PDE10A: variants seen among roughly 807,000 people sequenced by gnomAD.
The protein encoded by PDE10A is phosphodiesterase 10A, also known as cAMP and cAMP-inhibited cGMP 3',5'-cyclic phosphodiesterase 10A.
A neutral mutation model predicts 97.7 loss-of-function variants in PDE10A; 39 were observed. The ratio of observed to expected loss-of-function variants is 0.40; its 90% CI spans 0.31 to 0.52. The LOEUF (loss-of-function observed/expected upper bound fraction) is 0.52. PDE10A is among the 20% of genes least tolerant of loss of function. The probability of loss-of-function intolerance (pLI) is 0.56; values close to 1 mark genes in which losing one functional copy is unlikely to be tolerated. For synonymous variants in PDE10A, 371 were observed against 376.8 expected, an observed-to-expected ratio of 0.98 and a Z score of 0.18; for missense variants, 731 against 1,047.8, an observed-to-expected ratio of 0.70 and a Z score of 4.17.
At chr6:165,758,521 A>G (rs1461843845) in intron 1 of PDE10A, among the ~76,000 whole-genome samples, 3 of 150,648 alleles carry the variant, frequency 2.0e-5, no homozygotes, top group South Asian at 4.2e-4. Context: ...AAGAAGAAGA[A>G]GAAGAAGAAG....
intron 1 of PDE10A, among the ~76,000 whole-genome samples, chr6:165,740,598 G>T (rs939267508): frequency 2.0e-5 from 3 of 152,114 alleles, no homozygotes; most frequent in Admixed American, 1.3e-4. Context: ...CTCCCAAAGT[G>T]CTGGGATTAC....
chr6:165,822,079 T>C (rs890412688), intron 1 of PDE10A, among the ~76,000 whole-genome samples: 9 of 152,212 alleles, frequency 5.9e-5, no homozygotes, highest in Non-Finnish European at 8.8e-5. Flanking sequence ...CCTGTTAATC[T>C]CACACCTACA....
intron 1 of PDE10A, among the ~76,000 whole-genome samples, chr6:165,866,004 A>C (rs2128477517): frequency 6.6e-6 from 1 of 152,314 alleles, no homozygotes; most frequent in Non-Finnish European, 1.5e-5. Context: ...TTAGAGTTTA[A>C]AAGAGGAAGA....
intron 1 of PDE10A, among the ~76,000 whole-genome samples, chr6:165,651,913 T>C (rs1789705861): frequency 6.6e-6 from 1 of 152,184 alleles, no homozygotes; most frequent in Non-Finnish European, 1.5e-5. Context: ...TCTTTGCTTC[T>C]CCTAAATGAA....
intron 1 of PDE10A, among the ~76,000 whole-genome samples, chr6:165,697,600 C>A (rs1332030690): frequency 6.6e-6 from 1 of 152,124 alleles, no homozygotes; most frequent in Admixed American, 6.5e-5. Context: ...TTAAATGAAA[C>A]AAGCCAGTTA....
In PDE10A at chr6:165,720,194, G is replaced by A. The variant is rs28574594; in HGVS notation, c.-614-176626C>T. Among the ~76,000 whole-genome samples, 455 of 152,254 alleles carry A rather than the reference G, an allele frequency of 3.0e-3. 11 individuals are homozygous for A. In the East Asian group the frequency reaches 0.064, roughly 21 times the overall value. ...GGAAATCAGAGGGATGGGGAGAGGG[G>A]GAGAGAGGGTGTTCCTGTATTTTGT... On this transcript the variant is annotated intron_variant, in intron 1 of 19. Coordinates refer to the PDE10A transcript ENST00000366882.
chr6:165,903,753 A>G lies in PDE10A; in HGVS notation c.-615+83776T>C, dbSNP rs370834822. Among the ~76,000 whole-genome samples the G allele has an allele frequency of 2.0e-4, 30 of 152,176 alleles. 1 individual carries two copies. The East Asian group carries it at 2.3e-3, about 12-fold the overall frequency. On this transcript the variant is annotated intron_variant, in intron 1 of 19. Coordinates refer to the PDE10A transcript ENST00000366882. ...GGAGAAAGTGTAGATACAAAAAAAAAGCTGAGTACTCCAACATTTAGCAAC... is the reference window on the plus strand; with the variant it reads ...GGAGAAAGTGTAGATACAAAAAAAAGGCTGAGTACTCCAACATTTAGCAAC...
chr6:165,552,454 G>A (rs1488578510), intron 1 of PDE10A, among the ~76,000 whole-genome samples: 3 of 152,138 alleles, frequency 2.0e-5, no homozygotes, highest in Non-Finnish European at 2.9e-5. Flanking sequence ...CAAACAATAT[G>A]GGTTCATGCT....
chr6:165,745,619 G>T (rs1792826109), intron 1 of PDE10A, among the ~76,000 whole-genome samples: 1 of 152,188 alleles, frequency 6.6e-6, no homozygotes, highest in Non-Finnish European at 1.5e-5. Flanking sequence ...AACTTAGTCA[G>T]ATAATGTCAA....
At chr6:165,472,107 C>T (rs1329026054) in intron 3 of PDE10A, among the ~76,000 whole-genome samples, 1 of 152,040 alleles carries the variant, frequency 6.6e-6, no homozygotes, top group Admixed American at 6.6e-5. Flanking sequence ...AATTACTCAG[C>T]AAAAGCTTTT....
intron 1 of PDE10A, among the ~76,000 whole-genome samples, chr6:165,709,343 T>C (rs1392593847): frequency 9.2e-6 from 1 of 108,276 alleles, no homozygotes; most frequent in African/African-American, 3.7e-5. Context: ...TGTGGTGCTC[T>C]CTCCCCAACC....
chr6:165,559,144 G>C (rs1220311853), intron 1 of PDE10A, among the ~76,000 whole-genome samples: 1 of 152,144 alleles, frequency 6.6e-6, no homozygotes, highest in Admixed American at 6.5e-5. Context: ...AGTTATGCTA[G>C]AACATGATTA....
rs547617043 is a variant in PDE10A at position 165,900,282 on chromosome 6, A to G, written c.-615+87247T>C. ...AGGTCAGGAGTTCAAGACTATCCTA[A>G]CCAACATGGAGAAACCCTATCTCTA... On this transcript the variant is annotated intron_variant, in intron 1 of 19. Coordinates refer to the PDE10A transcript ENST00000366882. 1.6e-4 allele frequency among the ~76,000 whole-genome samples: 24 copies of G among 152,184 alleles called. No homozygotes were observed. In the South Asian group the frequency reaches 4.8e-3, roughly 30 times the overall value.
intron 1 of PDE10A, chr6:165,987,460 C>T (rs1785257665): frequency 2.9e-6 from 1 of 344,026 alleles, no homozygotes; most frequent in South Asian, 2.2e-5. Context: ...CACACACACA[C>T]AAAGATTGGG....
chr6:165,496,250 C>T (rs1424169740), intron 2 of PDE10A, among the ~76,000 whole-genome samples: 1 of 152,138 alleles, frequency 6.6e-6, no homozygotes. Context: ...AGCTCAACTT[C>T]TAGTCTGTCT....
intron 1 of PDE10A, among the ~76,000 whole-genome samples, chr6:165,584,779 C>T (rs1196733083): frequency 1.3e-5 from 2 of 152,170 alleles, no homozygotes; most frequent in African/African-American, 4.8e-5. Flanking sequence ...CCCTTTCAGG[C>T]AGGACTGTTA....
chr6:165,365,492 T>TC (rs1421334191), intron 18 of PDE10A, among the ~76,000 whole-genome samples: 2 of 152,264 alleles, frequency 1.3e-5, no homozygotes, highest in African/African-American at 4.8e-5. Context: ...GCCCTGGAGT[T>TC]CAAGACCAGC....
At chr6:165,404,357 A>G (rs928488158) in intron 13 of PDE10A, among the ~76,000 whole-genome samples, 5 of 152,062 alleles carry the variant, frequency 3.3e-5, no homozygotes, top group Admixed American at 2.6e-4. Flanking sequence ...GCATGAGGAG[A>G]GGAGCTGAAC....
At chr6:165,658,760 C>G (rs1790089706) in intron 1 of PDE10A, among the ~76,000 whole-genome samples, 1 of 152,226 alleles carries the variant, frequency 6.6e-6, no homozygotes, top group African/African-American at 2.4e-5. Flanking sequence ...CAACTTTGCT[C>G]ACAAGAAAGC....
Sources: gnomAD v4.1 joint callset for allele counts (sites outside exome capture counted in the v4.1 genomes callset) on GRCh38, gnomAD v4.1.1 for gene constraint, MANE v1.5 for transcripts, NCBI Gene and HGNC (gene_info 2026-07-23, HGNC 2026-07-21) for gene names.